The following C1orf105 variants were observed in gnomAD, a reference collection of about 807,000 sequenced individuals.
C1orf105 encodes chromosome 1 open reading frame 105.
Under a neutral mutation model 20.8 loss-of-function variants are expected in C1orf105, and 17 were observed. That is an observed-to-expected ratio of 0.82 (90% CI 0.56 to 1.23). C1orf105 has a LOEUF of 1.23. Among genes scored for constraint, C1orf105 ranks in the 50% most tolerant of loss-of-function variants. The probability of loss-of-function intolerance (pLI) is 0.00; values close to 1 mark genes in which losing one functional copy is unlikely to be tolerated. For synonymous variants in C1orf105, 72 were observed against 72.1 expected (o/e 1.00, Z 0.01); for missense variants, 219 against 213.5 (o/e 1.03, Z -0.16).
intron 4 of C1orf105, among the ~76,000 whole-genome samples, chr1:172,460,376 A>T (rs923301848): frequency 6.6e-6 from 1 of 151,574 alleles, no homozygotes; most frequent in African/African-American, 2.4e-5. Context: ...GTTGTGAATC[A>T]CCAGTGATAT....
Position 172,448,546 on chromosome 1 carries a change from T to G in C1orf105, c.198+15T>G, listed in dbSNP as rs567840448. ...TTTTATCTAAGGTACTAAAAAATTT[T>G]TGTTGAAATGAAACCAACAGCAGTT... is the stretch of plus-strand genomic sequence containing the variant. On this transcript the variant is annotated intron_variant, in intron 3 of 6. Coordinates refer to ENST00000367727, the MANE Select transcript of C1orf105 (RefSeq NM_139240.4). 8 of 1,528,968 alleles carry G rather than the reference T, an allele frequency of 5.2e-6. No homozygotes were observed. The highest frequency in any genetic ancestry group is 1.4e-5 in the African/African-American group (1 of 73,044). 94.7% of individuals were successfully genotyped at this position (1,528,968 alleles called of 1,614,324 possible). A position where few individuals can be genotyped will look rare whatever the true frequency, so the allele number is the denominator to read the frequency against.
chr1:172,457,338 T>G (rs2149187188), intron 4 of C1orf105, among the ~76,000 whole-genome samples: 1 of 152,292 alleles, frequency 6.6e-6, no homozygotes, highest in East Asian at 1.9e-4. Context: ...AAGGTGGGGC[T>G]AAATGTGTAG....
At chr1:172,460,016 TAGAC>T (rs1282874127) in intron 4 of C1orf105, among the ~76,000 whole-genome samples, 2 of 151,904 alleles carry the variant, frequency 1.3e-5, no homozygotes, top group Non-Finnish European at 2.9e-5. Flanking sequence ...AGACAGAAAA[TAGAC>T]AGTGGTTGTC....
chr1:172,425,232 T>G (rs2071692836), intron 1 of C1orf105, among the ~76,000 whole-genome samples: 1 of 152,196 alleles, frequency 6.6e-6, no homozygotes, highest in East Asian at 1.9e-4. Flanking sequence ...CATTACCTGA[T>G]GGGCATAAGG....
At chr1:172,441,532 G>A (rs1365111389) in intron 1 of C1orf105, 1 of 442,278 alleles carries the variant, frequency 2.3e-6, no homozygotes, top group Non-Finnish European at 4.0e-6. Flanking sequence ...TCCCCAGAAA[G>A]TTTTTTCATC....
At chr1:172,455,236 CAT>C (rs1372754109) in intron 3 of C1orf105, among the ~76,000 whole-genome samples, 1 of 152,190 alleles carries the variant, frequency 6.6e-6, no homozygotes, top group Non-Finnish European at 1.5e-5. Context: ...ACCTAAGTGC[CAT>C]ATGTCTCTCA....
At chr1:172,431,051 G>T in intron 1 of C1orf105, 1 of 649,230 alleles carries the variant, frequency 1.5e-6, no homozygotes, top group East Asian at 2.9e-5. Flanking sequence ...TCCTCTTCTT[G>T]GGCCTCCCTA....
At chr1:172,458,960 A>G (rs1009233286) in intron 4 of C1orf105, among the ~76,000 whole-genome samples, 12 of 152,204 alleles carry the variant, frequency 7.9e-5, no homozygotes, top group Non-Finnish European at 1.5e-4. Flanking sequence ...AGTATTTTCA[A>G]TAAGTGGTAC....
intron 3 of C1orf105, among the ~76,000 whole-genome samples, chr1:172,450,378 G>A (rs373081038): frequency 1.7e-4 from 26 of 152,300 alleles, no homozygotes; most frequent in East Asian, 1.4e-3. Context: ...ATTCTTTCCC[G>A]TCACACAGAC....
chr1:172,441,888 G>A, intron 1 of C1orf105: 1 of 1,614,186 alleles, frequency 6.2e-7, no homozygotes, highest in Non-Finnish European at 8.5e-7. Context: ...CAGCACTAAT[G>A]GACAGTAGGC....
At chr1:172,425,295 A>T (rs1004708587) in intron 1 of C1orf105, among the ~76,000 whole-genome samples, 1 of 152,210 alleles carries the variant, frequency 6.6e-6, no homozygotes, top group African/African-American at 2.4e-5. Context: ...CATGCCAGCC[A>T]ATTGGGAAAT....
intron 1 of C1orf105, chr1:172,442,380 G>A (rs1256988002): frequency 1.2e-6 from 2 of 1,613,366 alleles, no homozygotes; most frequent in Admixed American, 1.7e-5. Context: ...GCCAATGGGG[G>A]GCCAGAAGAC....
At chr1:172,447,644 A>C (rs1473396178) in intron 2 of C1orf105, among the ~76,000 whole-genome samples, 1 of 152,224 alleles carries the variant, frequency 6.6e-6, no homozygotes, top group Non-Finnish European at 1.5e-5. Flanking sequence ...GGAGAAATGA[A>C]GCAAGAAATG....
intron 1 of C1orf105, chr1:172,442,665 A>C: frequency 1.3e-6 from 2 of 1,529,626 alleles, no homozygotes; most frequent in South Asian, 2.3e-5. Flanking sequence ...CATCGCCCTC[A>C]CAGAAGTCCA....
chr1:172,443,834 C>G (rs1647636842), intron 1 of C1orf105: 1 of 409,264 alleles, frequency 2.4e-6, no homozygotes, highest in African/African-American at 2.2e-5. Context: ...GTAGGGTGAC[C>G]CCAGGGTGCG....
At chr1:172,434,666 A>T (rs985372092) in intron 1 of C1orf105, among the ~76,000 whole-genome samples, 1 of 152,208 alleles carries the variant, frequency 6.6e-6, no homozygotes, top group Admixed American at 6.5e-5. Flanking sequence ...ATCTAAAATC[A>T]ACACTCTAAC....
rs757531639 is a variant in C1orf105, at chr1:172,445,143, TCAGCCTTCCCAGAA to T, written c.93_106del (p.Ser32IlefsTer30). ...AGCCTTGTAAACAAGCCATTAGTGC[TCAGCCTTCCCAGAA>T]GGTAACCTCTCAGCCACCGAGGGCA... On this transcript the variant is annotated frameshift_variant and splice_region_variant, in exon 2 of 7. Transcript: ENST00000367727. LOFTEE classifies it high-confidence loss of function. The T allele has an allele frequency of 8.1e-6, 13 of 1,612,090 alleles. No homozygotes were observed. In the East Asian group the frequency reaches 2.9e-4, roughly 36 times the overall value.
intron 1 of C1orf105, among the ~76,000 whole-genome samples, chr1:172,425,749 C>A (rs1051403531): frequency 6.6e-6 from 1 of 152,162 alleles, no homozygotes; most frequent in Non-Finnish European, 1.5e-5. Context: ...TCAAAATGCA[C>A]ATAACCCAGA....
At chr1:172,439,526 C>A (rs1289478494) in intron 1 of C1orf105, among the ~76,000 whole-genome samples, 1 of 152,160 alleles carries the variant, frequency 6.6e-6, no homozygotes, top group Admixed American at 6.5e-5. Context: ...TCTCCCACCA[C>A]CTTCACAATG....
Sources: gnomAD v4.1 joint callset for allele counts (sites outside exome capture counted in the v4.1 genomes callset) on GRCh38, gnomAD v4.1.1 for gene constraint, MANE v1.5 for transcripts, NCBI Gene and HGNC (gene_info 2026-07-23, HGNC 2026-07-21) for gene names.